The following GARIN1B variants were observed in gnomAD, a reference collection of about 807,000 sequenced individuals.
The protein encoded by GARIN1B is Golgi-associated RAB2 interactor protein 1B.
chr7:128,723,087 A>C, the GARIN1B span: 3 of 1,344,166 alleles, frequency 2.2e-6, no homozygotes, highest in Non-Finnish European at 3.0e-6. Context: ...GTGTGGCTGC[A>C]CTTTGGAAAA....
the GARIN1B span, chr7:128,716,900 C>T: frequency 6.2e-7 from 1 of 1,614,008 alleles, no homozygotes; most frequent in Non-Finnish European, 8.5e-7. Context: ...CTGCCTGCCC[C>T]TCCCCAACAT....
the GARIN1B span, among the ~76,000 whole-genome samples, chr7:128,709,748 C>CTG: frequency 0.18 from 12,630 of 68,490 alleles, 958 homozygotes; most frequent in East Asian, 0.47. Flanking sequence ...CTCTCTCTCT[C>CTG]TCTTTTTTTT....
At chr7:128,728,704 T>C in the GARIN1B span, among the ~76,000 whole-genome samples, 1 of 152,206 alleles carries the variant, frequency 6.6e-6, no homozygotes, top group Non-Finnish European at 1.5e-5. Flanking sequence ...ATATGTGGCA[T>C]ACCACCTTCC....
chr7:128,729,247 A>G, the GARIN1B span, among the ~76,000 whole-genome samples: 3 of 152,210 alleles, frequency 2.0e-5, no homozygotes, highest in Non-Finnish European at 4.4e-5. Context: ...AAAGAGACTT[A>G]AAATTGGAAA....
the GARIN1B span, among the ~76,000 whole-genome samples, chr7:128,719,825 A>G: frequency 6.9e-6 from 1 of 145,218 alleles, no homozygotes; most frequent in Non-Finnish European, 1.5e-5. Flanking sequence ...TCAGCCTCCC[A>G]AGTAGCTGGC....
the GARIN1B span, among the ~76,000 whole-genome samples, chr7:128,724,413 C>T: frequency 6.6e-6 from 1 of 152,082 alleles, no homozygotes; most frequent in Admixed American, 6.5e-5. Flanking sequence ...ACCTACTCAC[C>T]CAAGGTCTCT....
At chr7:128,724,735 TGAG>T in the GARIN1B span, 1 of 1,289,014 alleles carries the variant, frequency 7.8e-7, no homozygotes, top group Non-Finnish European at 1.0e-6. Flanking sequence ...GAGAGAAAAA[TGAG>T]GTGTCAGAGA....
chr7:128,725,358 CT>C, the GARIN1B span, among the ~76,000 whole-genome samples: 1 of 149,764 alleles, frequency 6.7e-6, no homozygotes, highest in Non-Finnish European at 1.5e-5. Context: ...TCCTTCCTTC[CT>C]TCCTTCCTTC....
chr7:128,731,162 C>T, the GARIN1B span: 5 of 1,534,332 alleles, frequency 3.3e-6, no homozygotes, highest in South Asian at 1.1e-5. Context: ...GTCAACACCA[C>T]TTTGCAGCAT....
chr7:128,725,879 TG>T, the GARIN1B span, among the ~76,000 whole-genome samples: 4 of 152,208 alleles, frequency 2.6e-5, no homozygotes, highest in Admixed American at 6.5e-5. Flanking sequence ...TGGCACTCTC[TG>T]GCACAGACAG....
chr7:128,718,262 G>A, the GARIN1B span, among the ~76,000 whole-genome samples: 6 of 151,968 alleles, frequency 3.9e-5, no homozygotes, highest in African/African-American at 1.4e-4. Context: ...ATGAAACCTC[G>A]TCTCTACCAA....
At chr7:128,724,709 T>G in the GARIN1B span, 1 of 1,287,934 alleles carries the variant, frequency 7.8e-7, no homozygotes, top group South Asian at 1.2e-5. Flanking sequence ...AGAAATAAAT[T>G]AGCAAATGTC....
chr7:128,709,210 A>G, the GARIN1B span: 1 of 152,208 alleles, frequency 6.6e-6, no homozygotes, highest in African/African-American at 2.4e-5. Context: ...ACTATTATGT[A>G]AGAGAAAATC....
chr7:128,714,607 C>T, the GARIN1B span, among the ~76,000 whole-genome samples: 1 of 151,960 alleles, frequency 6.6e-6, no homozygotes, highest in Non-Finnish European at 1.5e-5. Context: ...AGAATTTGGT[C>T]CAAATTAGAA....
At chr7:128,723,868 G>GTTT in the GARIN1B span, among the ~76,000 whole-genome samples, 2 of 152,086 alleles carry the variant, frequency 1.3e-5, no homozygotes, top group Non-Finnish European at 2.9e-5. Context: ...TTCTTGCCTT[G>GTTT]TTCTTCTTCT....
chr7:128,718,434 GAAAAA>G, the GARIN1B span, among the ~76,000 whole-genome samples: 5 of 117,968 alleles, frequency 4.2e-5, no homozygotes, highest in East Asian at 9.2e-4. Context: ...CTTTGCCTCA[GAAAAA>G]AAAAAAAAAA....
At chr7:128,726,914 C>T in the GARIN1B span, 3 of 1,564,330 alleles carry the variant, frequency 1.9e-6, no homozygotes, top group Non-Finnish European at 2.6e-6. Flanking sequence ...GAGCTTTCTA[C>T]TCTGGATATA....
the GARIN1B span, chr7:128,715,501 C>A: frequency 1.2e-6 from 2 of 1,614,140 alleles, no homozygotes; most frequent in Non-Finnish European, 1.7e-6. Flanking sequence ...CAGTAAAAGT[C>A]ACAAGATCCT....
At chr7:128,717,049 A>C in the GARIN1B span, 1 of 1,502,062 alleles carries the variant, frequency 6.7e-7, no homozygotes, top group Non-Finnish European at 9.0e-7. Flanking sequence ...GGTGGATGCA[A>C]AGTGGAGGTT....
Sources: allele counts gnomAD v4.1 joint callset (sites outside exome capture counted in the v4.1 genomes callset), GRCh38; gene constraint gnomAD v4.1.1; transcripts MANE v1.5; gene names NCBI Gene and HGNC (gene_info 2026-07-23, HGNC 2026-07-21).